The following ERC2 variants were observed in gnomAD, a reference collection of about 807,000 sequenced individuals.
ERC2 encodes ERC protein 2.
ERC2 carries 42 observed loss-of-function variants against 114.8 expected under a neutral mutation model. The observed-to-expected ratio is 0.37, with a 90% CI of 0.29 to 0.47. The LOEUF (loss-of-function observed/expected upper bound fraction) is 0.47. Ranked by LOEUF, ERC2 falls within the 20% of genes least tolerant of loss-of-function variation. The pLI, the probability that ERC2 is intolerant of heterozygous loss-of-function variation, is 0.99. For missense variants in ERC2, 939 were observed against 1,150.7 expected (o/e 0.82, Z 2.66); for synonymous variants, 454 against 425.5 (o/e 1.07, Z -0.82).
intron 3 of ERC2, among the ~76,000 whole-genome samples, chr3:56,205,203 T>C (rs2048648476): frequency 6.6e-6 from 1 of 152,022 alleles, no homozygotes; most frequent in African/African-American, 2.4e-5. Flanking sequence ...GATAACCAGG[T>C]TTCATCTGAT....
chr3:55,891,464 T>TTTTTTTTTTTTTTTC (rs1553720750), intron 13 of ERC2, among the ~76,000 whole-genome samples: 1 of 134,850 alleles, frequency 7.4e-6, no homozygotes, highest in Admixed American at 8.5e-5. Flanking sequence ...TTTTTTTTTT[T>TTTTTTTTTTTTTTTC]TGAGCTGGAG....
chr3:55,797,793 C>G (rs371863441), intron 14 of ERC2, among the ~76,000 whole-genome samples: 1 of 152,040 alleles, frequency 6.6e-6, no homozygotes, highest in Non-Finnish European at 1.5e-5. Flanking sequence ...ATTTTAGGTG[C>G]TCTTTCTACA....
chr3:56,326,356 A>T (rs966909111), intron 2 of ERC2, among the ~76,000 whole-genome samples: 2 of 152,216 alleles, frequency 1.3e-5, no homozygotes, highest in Non-Finnish European at 2.9e-5. Context: ...TTGGATCCTG[A>T]TAGTGCTCCA....
chr3:56,361,350 T>C lies in ERC2; in HGVS notation c.658-64915A>G, dbSNP rs150167463. On this transcript the variant is annotated intron_variant, in intron 2 of 17. Transcript: ENST00000288221. ...GATGATGTCTGTTCAAGAGTTCCAA[T>C]GAGGCAAAACAGCCTACTAGAGAAA... is the stretch of plus-strand genomic sequence containing the variant. Among the ~76,000 whole-genome samples, 262 of 152,218 alleles carry C rather than the reference T, an allele frequency of 1.7e-3. 1 individual carries two copies. Among genetic ancestry groups the C allele is most frequent in the African/African-American group, 5.9e-3 (244 of 41,544 alleles).
intron 3 of ERC2, 24 bp from the exon 4 acceptor site, chr3:56,173,544 A>C: frequency 2.5e-6 from 4 of 1,610,582 alleles, no homozygotes; most frequent in Non-Finnish European, 3.4e-6. Flanking sequence ...CGATAGAAAT[A>C]AGCCTGACGG....
intron 12 of ERC2, among the ~76,000 whole-genome samples, chr3:55,964,762 C>T (rs934134316): frequency 4.6e-5 from 7 of 152,216 alleles, no homozygotes; most frequent in Non-Finnish European, 1.0e-4. Context: ...TTCTCATCTG[C>T]AGGCTTAACC....
chr3:56,081,151 T>C (rs2077209532), intron 6 of ERC2, among the ~76,000 whole-genome samples, 167 bp from the exon 7 acceptor site: 1 of 152,010 alleles, frequency 6.6e-6, no homozygotes, highest in African/African-American at 2.4e-5. Flanking sequence ...GCCTACATCC[T>C]TCTTAAAGCC....
intron 13 of ERC2, among the ~76,000 whole-genome samples, chr3:55,940,588 G>C (rs943508434): frequency 6.6e-6 from 1 of 152,080 alleles, no homozygotes; most frequent in Non-Finnish European, 1.5e-5. Context: ...TCAAATGCTG[G>C]GGGGAGGACA....
chr3:55,664,355 T>G (rs568797690), intron 17 of ERC2, among the ~76,000 whole-genome samples: 1 of 152,356 alleles, frequency 6.6e-6, no homozygotes, highest in African/African-American at 2.4e-5. Context: ...CTGCATCAAA[T>G]GTAGATGAAA....
chr3:55,810,765 T>C (rs2059691351), intron 14 of ERC2, among the ~76,000 whole-genome samples: 1 of 152,204 alleles, frequency 6.6e-6, no homozygotes, highest in Non-Finnish European at 1.5e-5. Context: ...TGGCCTAGAA[T>C]ATCTCTTAAT....
chr3:56,230,106 T>G (rs1242061104), intron 3 of ERC2, among the ~76,000 whole-genome samples: 1 of 152,028 alleles, frequency 6.6e-6, no homozygotes, highest in East Asian at 1.9e-4. Context: ...CCTCAGATAA[T>G]CCGCCAGCCT....
intron 13 of ERC2, among the ~76,000 whole-genome samples, chr3:55,895,971 C>T (rs549690060): frequency 1.1e-3 from 168 of 152,318 alleles, no homozygotes; most frequent in African/African-American, 3.7e-3. Context: ...GCCACCCCAG[C>T]AGCCGCCTGG....
intron 2 of ERC2, among the ~76,000 whole-genome samples, chr3:56,391,173 C>T (rs912889057): frequency 1.3e-5 from 2 of 152,136 alleles, no homozygotes; most frequent in Non-Finnish European, 1.5e-5. Flanking sequence ...AAATGCTGAA[C>T]GAGGTTCCCC....
rs552158444 is a variant in ERC2, at chr3:56,413,173, G to A, written c.657+21178C>T. ...AGCTGTGCCCCTCACTCCAAGCTGCGGACCCGAACAAGGCAAGCCAGCCCC... is the reference window on the plus strand; with the variant it reads ...AGCTGTGCCCCTCACTCCAAGCTGCAGACCCGAACAAGGCAAGCCAGCCCC... On this transcript the variant is annotated intron_variant, in intron 2 of 17. Coordinates refer to ENST00000288221, the MANE Select transcript of ERC2 (RefSeq NM_015576.3). Among the ~76,000 whole-genome samples the A allele has an allele frequency of 2.4e-4, 36 of 152,282 alleles. 2 individuals are homozygous for A. The South Asian group carries it at 7.1e-3, about 30-fold the overall frequency.
intron 14 of ERC2, among the ~76,000 whole-genome samples, chr3:55,842,540 A>G (rs1163412527): frequency 1.3e-5 from 2 of 152,188 alleles, no homozygotes; most frequent in East Asian, 1.9e-4. Context: ...CTGTAGACTG[A>G]TAACTATTAT....
At chr3:56,267,646 G>A (rs990493412) in intron 3 of ERC2, among the ~76,000 whole-genome samples, 26 of 152,062 alleles carry the variant, frequency 1.7e-4, no homozygotes, top group Non-Finnish European at 2.8e-4. Context: ...GGGTGTGGTG[G>A]CAGGCACCTA....
chr3:55,707,644 C>A (rs1397857924), intron 15 of ERC2, among the ~76,000 whole-genome samples: 2 of 152,176 alleles, frequency 1.3e-5, no homozygotes, highest in Admixed American at 6.5e-5. Context: ...GAGATGGAGC[C>A]TCCTGTTAAC....
chr3:56,266,970 C>T (rs35102305), intron 3 of ERC2, among the ~76,000 whole-genome samples: 34,290 of 152,070 alleles, frequency 0.23, 4,548 homozygotes, highest in Non-Finnish European at 0.29. Flanking sequence ...TGGGAACAAC[C>T]AAAGTGTCTG....
chr3:55,559,150 C>A (rs560325080), intron 17 of ERC2, among the ~76,000 whole-genome samples: 6 of 152,326 alleles, frequency 3.9e-5, no homozygotes, highest in Admixed American at 3.9e-4. Context: ...TCCCTTAAAC[C>A]AGTCCAGCAT....
Sources: allele counts gnomAD v4.1 joint callset (sites outside exome capture counted in the v4.1 genomes callset), GRCh38; gene constraint gnomAD v4.1.1; transcripts MANE v1.5; gene names NCBI Gene and HGNC (gene_info 2026-07-23, HGNC 2026-07-21).